NAALADL2: variants seen among roughly 807,000 people sequenced by gnomAD.
NAALADL2 encodes N-acetylated alpha-linked acidic dipeptidase like 2.
Under a neutral mutation model 87.2 loss-of-function variants are expected in NAALADL2, and 76 were observed. The observed-to-expected ratio is 0.87, with a 90% CI of 0.72 to 1.05. The LOEUF is 1.05. Among genes scored for constraint, NAALADL2 ranks in the 50% least tolerant of loss-of-function variants. NAALADL2 has a pLI of 0.00. For synonymous variants in NAALADL2, 354 were observed against 331.0 expected (o/e 1.07, Z -0.75); for missense variants, 1,089 against 945.8 (o/e 1.15, Z -1.99).
At chr3:174,797,035 G>A (rs1324817265) in intron 3 of NAALADL2, among the ~76,000 whole-genome samples, 2 of 152,018 alleles carry the variant, frequency 1.3e-5, no homozygotes, top group African/African-American at 4.8e-5. Flanking sequence ...TTTGCCAAGA[G>A]CAATCTCCAG....
intron 1 of NAALADL2, among the ~76,000 whole-genome samples, chr3:174,465,287 A>G (rs960635222): frequency 6.6e-6 from 1 of 152,142 alleles, no homozygotes; most frequent in African/African-American, 2.4e-5. Flanking sequence ...ATCTGTATAT[A>G]TCAGCACAAT....
chr3:174,756,462 T>C lies in NAALADL2; in HGVS notation c.-9+18716T>C, dbSNP rs1272473004. ...AATTATATTTACTATGTACACTCTTTAGCAAAATCATTATTTTTATAATGG... is the reference window on the plus strand; with the variant it reads ...AATTATATTTACTATGTACACTCTTCAGCAAAATCATTATTTTTATAATGG... On this transcript the variant is annotated intron_variant, in intron 3 of 3. Transcript: ENST00000434257. Among the ~76,000 whole-genome samples, 3 of 152,374 alleles carry C rather than the reference T, an allele frequency of 2.0e-5. No individual in the cohort carries two copies. The East Asian group carries it at 5.8e-4, about 29-fold the overall frequency.
intron 9 of NAALADL2, among the ~76,000 whole-genome samples, chr3:175,503,492 C>T (rs555470386): frequency 2.6e-5 from 4 of 152,160 alleles, no homozygotes; most frequent in Middle Eastern, 3.4e-3. Context: ...TTAAGTTCTT[C>T]GAGAAATTGC....
intron 1 of NAALADL2, among the ~76,000 whole-genome samples, chr3:174,462,261 G>T (rs974348872): frequency 6.6e-6 from 1 of 151,912 alleles, no homozygotes; most frequent in African/African-American, 2.4e-5. Context: ...CTTGGTTGTT[G>T]CAAAATCCTT....
At chr3:174,783,029 A>G (rs765535347) in intron 3 of NAALADL2, among the ~76,000 whole-genome samples, 2 of 152,042 alleles carry the variant, frequency 1.3e-5, no homozygotes, top group African/African-American at 2.4e-5. Context: ...TCTTTCTTCT[A>G]TTTTCTAGGT....
At chr3:175,127,070 C>T (rs1051187778) in intron 2 of NAALADL2, among the ~76,000 whole-genome samples, 1 of 151,966 alleles carries the variant, frequency 6.6e-6, no homozygotes, top group African/African-American at 2.4e-5. Context: ...TTGAGCTTGG[C>T]CTCTCTTGAA....
chr3:175,024,988 T>C lies in NAALADL2; in HGVS notation c.44-71802T>C, dbSNP rs140099025. Among the ~76,000 whole-genome samples, 320 of 152,268 alleles carry C rather than the reference T, an allele frequency of 2.1e-3. 1 individual carries two copies. Among genetic ancestry groups the C allele is most frequent in the African/African-American group, 7.1e-3 (294 of 41,572 alleles). ...AAAGGTGAGAGAAAATGAGGATGTC[T>C]AAAAGTATCTGTTACCTTTTGAGAT... is the stretch of plus-strand genomic sequence containing the variant. On this transcript the variant is annotated intron_variant, in intron 1 of 13. Transcript: ENST00000454872.
chr3:174,737,796 A>G (rs572488825), intron 3 of NAALADL2: 1 of 152,334 alleles, frequency 6.6e-6, no homozygotes, highest in South Asian at 2.1e-4. Flanking sequence ...TTCTTGAATC[A>G]ACTTTTAATA....
chr3:174,927,050 G>C (rs1338564311), intron 1 of NAALADL2, among the ~76,000 whole-genome samples: 1 of 150,808 alleles, frequency 6.6e-6, no homozygotes, highest in African/African-American at 2.4e-5. Flanking sequence ...AAAAGGCAGG[G>C]GTTGCAATCC....
chr3:175,504,627 C>A (rs1294200580), intron 9 of NAALADL2, among the ~76,000 whole-genome samples: 1 of 142,332 alleles, frequency 7.0e-6, no homozygotes, highest in Non-Finnish European at 1.5e-5. Flanking sequence ...CTCTCAGACA[C>A]AGTGAGAAAG....
chr3:175,459,686 T>C (rs777737397), intron 6 of NAALADL2, among the ~76,000 whole-genome samples: 3 of 152,102 alleles, frequency 2.0e-5, no homozygotes, highest in Non-Finnish European at 2.9e-5. Flanking sequence ...GGAGACAATC[T>C]CTCTAGGTTT....
intron 10 of NAALADL2, among the ~76,000 whole-genome samples, chr3:175,594,395 A>C (rs1721965307): frequency 6.6e-6 from 1 of 152,128 alleles, no homozygotes; most frequent in Admixed American, 6.6e-5. Flanking sequence ...TCAGTCCACT[A>C]CTGATCGGTA....
intron 5 of NAALADL2, among the ~76,000 whole-genome samples, chr3:175,361,304 G>A (rs1764983310): frequency 1.3e-5 from 2 of 148,792 alleles, no homozygotes; most frequent in South Asian, 4.4e-4. Context: ...CTTTGCTATT[G>A]TGAATAGTGC....
intron 1 of NAALADL2, among the ~76,000 whole-genome samples, chr3:174,524,498 A>C (rs1720548295): frequency 6.6e-6 from 1 of 152,164 alleles, no homozygotes; most frequent in Non-Finnish European, 1.5e-5. Flanking sequence ...ACCTTATGTA[A>C]CAATGTTTCA....
At chr3:175,241,192 C>T (rs1361030758) in intron 3 of NAALADL2, among the ~76,000 whole-genome samples, 1 of 151,424 alleles carries the variant, frequency 6.6e-6, no homozygotes, top group African/African-American at 2.4e-5. Context: ...AAAACAATTC[C>T]ATAATTGCTT....
rs192075622 is a variant in NAALADL2 at position 175,670,417 on chromosome 3, A to G, written c.1896+43031A>G. On this transcript the variant is annotated intron_variant, in intron 11 of 13. Transcript: ENST00000454872. ...ATTATATTAAATTTACATTAAATGTAAATTTAATATATTTATATTAAATTT... is the reference window on the plus strand; with the variant it reads ...ATTATATTAAATTTACATTAAATGTGAATTTAATATATTTATATTAAATTT... Among the ~76,000 whole-genome samples, 30 of 146,408 alleles carry G rather than the reference A, an allele frequency of 2.0e-4. No homozygotes were observed. The East Asian group carries it at 4.0e-3, about 19-fold the overall frequency.
chr3:175,370,187 ACT>A (rs1389638697), intron 5 of NAALADL2, among the ~76,000 whole-genome samples: 8 of 152,136 alleles, frequency 5.3e-5, no homozygotes, highest in Non-Finnish European at 1.0e-4. Flanking sequence ...ATCTTATATG[ACT>A]CTATGCATTT....
chr3:175,193,093 A>G (rs1224808026), intron 2 of NAALADL2, among the ~76,000 whole-genome samples: 1 of 151,988 alleles, frequency 6.6e-6, no homozygotes, highest in Non-Finnish European at 1.5e-5. Context: ...GACTTTTGTA[A>G]TCTTTATATT....
chr3:174,622,492 C>T (rs973702954), intron 2 of NAALADL2, among the ~76,000 whole-genome samples: 2 of 152,118 alleles, frequency 1.3e-5, no homozygotes, highest in African/African-American at 4.8e-5. Flanking sequence ...GGGCACCAAT[C>T]CTAATGCAGT....
Sources: gnomAD v4.1 joint callset for allele counts (sites outside exome capture counted in the v4.1 genomes callset) on GRCh38, gnomAD v4.1.1 for gene constraint, MANE v1.5 for transcripts, NCBI Gene and HGNC (gene_info 2026-07-23, HGNC 2026-07-21) for gene names.